BCKDHB: variants seen among roughly 807,000 people sequenced by gnomAD.
BCKDHB encodes branched chain keto acid dehydrogenase E1 subunit beta, also known as 2-oxoisovalerate dehydrogenase subunit beta, mitochondrial.
BCKDHB carries 41 observed loss-of-function variants against 48.5 expected under a neutral mutation model. That is an observed-to-expected ratio of 0.85 (90% confidence interval 0.66 to 1.10). The LOEUF is 1.10. Ranked by LOEUF, BCKDHB falls within the 50% of genes least tolerant of loss-of-function variation. The probability of loss-of-function intolerance (pLI) is 0.00; values close to 1 mark genes in which losing one functional copy is unlikely to be tolerated. For missense variants in BCKDHB, 496 were observed against 494.2 expected (o/e 1.00, Z -0.03); for synonymous variants, 201 against 174.8 (o/e 1.15, Z -1.18).
intron 8 of BCKDHB, among the ~76,000 whole-genome samples, chr6:80,249,390 AT>A (rs1158861163): frequency 6.6e-6 from 1 of 152,132 alleles, no homozygotes; most frequent in African/African-American, 2.4e-5. Context: ...TTACTCCTCC[AT>A]CCTGGAGGAT....
intron 8 of BCKDHB, among the ~76,000 whole-genome samples, chr6:80,239,221 T>C (rs1202723990): frequency 6.6e-6 from 1 of 152,200 alleles, no homozygotes; most frequent in Non-Finnish European, 1.5e-5. Flanking sequence ...CCACCAACAG[T>C]GTAAAAGTGT....
intron 5 of BCKDHB, chr6:80,170,076 C>G (rs1772826691): frequency 2.5e-6 from 1 of 398,390 alleles, no homozygotes; most frequent in Non-Finnish European, 3.4e-6. Context: ...TGAAAATATA[C>G]TTAAAGTACA....
At chr6:80,402,350 T>C in the BCKDHB span, among the ~76,000 whole-genome samples, 6 of 151,854 alleles carry the variant, frequency 4.0e-5, no homozygotes, top group Non-Finnish European at 8.8e-5. Flanking sequence ...TTTGATTGCA[T>C]CTTTCTGATG....
chr6:80,129,326 C>T (rs1342601434), intron 3 of BCKDHB, 97 bp downstream of exon 3: 3 of 975,160 alleles, frequency 3.1e-6, no homozygotes, highest in African/African-American at 1.6e-5. Context: ...GTCATATCCC[C>T]ATTGTATGGA....
intron 3 of BCKDHB, among the ~76,000 whole-genome samples, chr6:80,139,572 A>G (rs1771077366): frequency 6.6e-6 from 1 of 151,196 alleles, no homozygotes; most frequent in Non-Finnish European, 1.5e-5. Context: ...TCCTTTCCCC[A>G]TTGCTTGTTT....
At chr6:80,209,891 A>G (rs376021253) in intron 8 of BCKDHB, among the ~76,000 whole-genome samples, 14 of 152,066 alleles carry the variant, frequency 9.2e-5, no homozygotes, top group Non-Finnish European at 1.8e-4. Flanking sequence ...AAGGAAACTT[A>G]TATCTGGAAA....
chr6:80,359,153 A>G, the BCKDHB span, among the ~76,000 whole-genome samples: 5 of 152,188 alleles, frequency 3.3e-5, no homozygotes, highest in African/African-American at 1.2e-4. Flanking sequence ...CTTGCGCATC[A>G]TTCTGCTCTT....
At chr6:80,162,788 T>C (rs1201421557) in intron 3 of BCKDHB, among the ~76,000 whole-genome samples, 1 of 152,114 alleles carries the variant, frequency 6.6e-6, no homozygotes, top group Admixed American at 6.5e-5. Flanking sequence ...GAGGTAGAGG[T>C]TGCAGTGAGT....
the BCKDHB span, among the ~76,000 whole-genome samples, chr6:80,421,787 G>T: frequency 1.3e-5 from 2 of 152,190 alleles, no homozygotes; most frequent in Non-Finnish European, 2.9e-5. Flanking sequence ...CATTCAAGAA[G>T]TGACCTGGCT....
At chr6:80,303,840 T>TA (rs978078386) in intron 9 of BCKDHB, among the ~76,000 whole-genome samples, 7 of 152,080 alleles carry the variant, frequency 4.6e-5, no homozygotes, top group Non-Finnish European at 7.4e-5. Context: ...AGTGGTCTGT[T>TA]ACCTTAAATG....
At position 80,124,199 on chromosome 6, in the gene BCKDHB, G is replaced by A. The variant is rs1206401184; in HGVS notation, c.197-3348G>A. On this transcript the variant is annotated intron_variant, in intron 1 of 9. Coordinates refer to ENST00000320393, the MANE Select transcript of BCKDHB (RefSeq NM_183050.4). ...TTGTTCAGTTTCCATGTAGTTGTGCGGTTTTGAGTGAGTTTCTTAATCCTG... is the reference window on the plus strand; with the variant it reads ...TTGTTCAGTTTCCATGTAGTTGTGCAGTTTTGAGTGAGTTTCTTAATCCTG... Among the ~76,000 whole-genome samples the A allele has an allele frequency of 3.9e-5, 6 of 152,096 alleles. 1 individual carries two copies. The South Asian group carries it at 6.2e-4, about 16-fold the overall frequency.
At chr6:80,249,928 G>A (rs959193520) in intron 8 of BCKDHB, among the ~76,000 whole-genome samples, 7 of 152,256 alleles carry the variant, frequency 4.6e-5, no homozygotes, top group African/African-American at 1.7e-4. Context: ...GCCTGTATGT[G>A]TGTTGCTCTG....
At chr6:80,353,571 G>T in the BCKDHB span, among the ~76,000 whole-genome samples, 3 of 150,862 alleles carry the variant, frequency 2.0e-5, no homozygotes, top group South Asian at 6.3e-4. Flanking sequence ...TAGCTCTTCT[G>T]TGGCCAGGCA....
intron 3 of BCKDHB, among the ~76,000 whole-genome samples, chr6:80,156,241 A>C (rs754374395): frequency 9.9e-5 from 15 of 151,804 alleles, no homozygotes; most frequent in Non-Finnish European, 7.4e-5. Flanking sequence ...ATCATTTGCC[A>C]TGCAACTAGA....
chr6:80,398,959 A>C, the BCKDHB span, among the ~76,000 whole-genome samples: 17,935 of 152,042 alleles, frequency 0.12, 1,856 homozygotes, highest in African/African-American at 0.27. Flanking sequence ...ACAAATCAAT[A>C]AATCAATAAA....
the BCKDHB span, among the ~76,000 whole-genome samples, chr6:80,358,236 CTT>C: frequency 5.9e-5 from 9 of 151,966 alleles, no homozygotes; most frequent in South Asian, 2.1e-4. Context: ...ACAGCATCCT[CTT>C]ATTATTTTAA....
chr6:80,348,529 C>G (rs1384786807), downstream of BCKDHB, among the ~76,000 whole-genome samples: 1 of 152,182 alleles, frequency 6.6e-6, no homozygotes, highest in South Asian at 2.1e-4. Flanking sequence ...TGGCCCTGAT[C>G]CAGACCCAGC....
chr6:80,109,161 A>G (rs1331070761), intron 1 of BCKDHB, among the ~76,000 whole-genome samples: 2 of 152,184 alleles, frequency 1.3e-5, no homozygotes, highest in African/African-American at 2.4e-5. Context: ...TTGGCTGTCT[A>G]TAACTTTGGA....
chr6:80,332,706 T>TAAAA (rs201659861), intron 9 of BCKDHB, among the ~76,000 whole-genome samples: 10 of 139,436 alleles, frequency 7.2e-5, no homozygotes, highest in Admixed American at 2.1e-4. Context: ...ACCCTTATAG[T>TAAAA]AAAAAAAAAA....
Sources: gnomAD v4.1 joint callset for allele counts (sites outside exome capture counted in the v4.1 genomes callset) on GRCh38, gnomAD v4.1.1 for gene constraint, MANE v1.5 for transcripts, NCBI Gene and HGNC (gene_info 2026-07-23, HGNC 2026-07-21) for gene names.